VDAC3: variants seen among roughly 807,000 people sequenced by gnomAD.
VDAC3 encodes non-selective voltage-gated ion channel VDAC3.
VDAC3 carries 7 observed loss-of-function variants against 33.9 expected under a neutral mutation model. That is an observed-to-expected ratio of 0.21 (90% CI 0.12 to 0.39). VDAC3 has a LOEUF of 0.39. Ranked by LOEUF, VDAC3 falls within the 10% of genes least tolerant of loss-of-function variation. The pLI is 1.00. For synonymous variants in VDAC3, 100 were observed against 122.4 expected, an observed-to-expected ratio of 0.82 and a Z score of 1.21; for missense variants, 261 against 334.5, an observed-to-expected ratio of 0.78 and a Z score of 1.71.
chr8:42,398,395 T>G (rs1188413807), intron 4 of VDAC3, among the ~76,000 whole-genome samples: 1 of 152,048 alleles, frequency 6.6e-6, no homozygotes, highest in Non-Finnish European at 1.5e-5. Context: ...CCTGGCTAAT[T>G]TTTTGTATTT....
At chr8:42,404,809 A>G (rs1563423884) in intron 8 of VDAC3, 58 bp from the exon 9 acceptor site, 1 of 1,447,192 alleles carries the variant, frequency 6.9e-7, no homozygotes, top group Non-Finnish European at 9.7e-7. Flanking sequence ...AGTGATGGTT[A>G]TATTGGACTG....
At chr8:42,395,555 C>T (rs558852167) in intron 4 of VDAC3, among the ~76,000 whole-genome samples, 5 of 152,228 alleles carry the variant, frequency 3.3e-5, no homozygotes, top group South Asian at 2.1e-4. Context: ...TATTTCTGCA[C>T]GTATGCATGT....
At chr8:42,400,959 G>C (rs1042377933) in intron 6 of VDAC3, among the ~76,000 whole-genome samples, 2 of 152,026 alleles carry the variant, frequency 1.3e-5, no homozygotes, top group Non-Finnish European at 2.9e-5. Flanking sequence ...ACTGTGCCCG[G>C]CCAGGACAAA....
At chr8:42,402,108 G>A (rs1802425243) in intron 7 of VDAC3, 93 bp downstream of exon 7, 1 of 1,310,344 alleles carries the variant, frequency 7.6e-7, no homozygotes, top group Non-Finnish European at 1.1e-6. Flanking sequence ...CTCAGATTTA[G>A]CATGCCTTGG....
chr8:42,400,673 C>CTTTTTTTTTTTTTT (rs1188886241), intron 6 of VDAC3, among the ~76,000 whole-genome samples: 11 of 72,316 alleles, frequency 1.5e-4, no homozygotes, highest in Non-Finnish European at 2.0e-4. Context: ...ATATTCTTTT[C>CTTTTTTTTTTTTTT]TTTTTTTTTT....
chr8:42,393,898 A>G lies in VDAC3; in HGVS notation c.-3+14A>G, dbSNP rs897455370. 2 of 429,206 alleles carry G rather than the reference A, an allele frequency of 4.7e-6. No homozygotes were observed. Among genetic ancestry groups the G allele is most frequent in the Non-Finnish European group, 4.1e-6 (1 of 242,982 alleles). 26.6% of individuals were successfully genotyped at this position (429,206 alleles called of 1,614,324 possible). A position where few individuals can be genotyped will look rare whatever the true frequency, so the allele number is the denominator to read the frequency against. ...GATTTTTCTAAGGTAAATTTTGCAT[A>G]TATTTTTAAAAGAAGTCCAGTTTAA... is the stretch of plus-strand genomic sequence containing the variant. On this transcript the variant is annotated intron_variant, in intron 2 of 9. Transcript: ENST00000022615.
intron 8 of VDAC3, 72 bp downstream of exon 8, chr8:42,403,533 A>G: frequency 7.0e-7 from 1 of 1,419,204 alleles, no homozygotes; most frequent in Non-Finnish European, 9.5e-7. Context: ...TTGTGATATG[A>G]GTGTAGTTTG....
chr8:42,395,300 G>C, intron 4 of VDAC3, 167 bp downstream of exon 4: 1 of 627,422 alleles, frequency 1.6e-6, no homozygotes, highest in Non-Finnish European at 2.0e-6. Flanking sequence ...AAACAACCAA[G>C]TTGAATTTTT....
At chr8:42,395,525 CA>C (rs1802295101) in intron 4 of VDAC3, among the ~76,000 whole-genome samples, 1 of 152,140 alleles carries the variant, frequency 6.6e-6, no homozygotes, top group African/African-American at 2.4e-5. Flanking sequence ...TTAGTCGAAA[CA>C]AAATATGTAA....
At chr8:42,403,559 T>A in intron 8 of VDAC3, 98 bp downstream of exon 8, 2 of 1,256,370 alleles carry the variant, frequency 1.6e-6, no homozygotes, top group Non-Finnish European at 2.2e-6. Context: ...TCTTTATTAA[T>A]TTTAATAAGC....
chr8:42,396,962 C>G lies in VDAC3; in HGVS notation c.118-1750C>G, dbSNP rs548891389. On this transcript the variant is annotated intron_variant, in intron 4 of 9. Transcript: ENST00000022615. ...ACAAACTGAACTGTGAATCGTGAGC[C>G]TGGAACTCAACTTAGAACAATTCTA... 2.9e-5 allele frequency: 11 copies of G among 373,556 alleles called. No individual in the cohort carries two copies. In the East Asian group the frequency reaches 3.6e-4, roughly 12 times the overall value. The allele number at this position is 373,556 out of a possible 1,614,324, so 23.1% of individuals were successfully genotyped here. A position where few individuals can be genotyped will look rare whatever the true frequency, so the allele number is the denominator to read the frequency against.
intron 9 of VDAC3, 132 bp from the exon 10 acceptor site, chr8:42,405,239 G>T (rs1016858009): frequency 2.0e-5 from 14 of 707,670 alleles, no homozygotes; most frequent in Middle Eastern, 3.0e-4. Context: ...AACCGATTGA[G>T]TAATAGCTGT....
At chr8:42,402,162 C>A in intron 7 of VDAC3, 147 bp downstream of exon 7, 1 of 893,618 alleles carries the variant, frequency 1.1e-6, no homozygotes, top group Non-Finnish European at 1.7e-6. Flanking sequence ...CAAAACCTTG[C>A]CAGGAGGCTG....
intron 7 of VDAC3, chr8:42,403,017 A>G (rs918942491): frequency 2.2e-5 from 8 of 358,470 alleles, no homozygotes; most frequent in African/African-American, 1.7e-4. Context: ...CCTATAGATT[A>G]TACTTACCCG....
In VDAC3 at chr8:42,401,995, C is replaced by T; in HGVS notation, c.531C>T (p.Asp177=). 9 of 1,614,256 alleles carry T rather than the reference C, an allele frequency of 5.6e-6. No homozygotes were observed. The highest frequency in any genetic ancestry group is 7.6e-6 in the Non-Finnish European group (9 of 1,180,054). ...NNFALGYKAA[D]FQLHTHVNDG... ...TCGCCCTGGGTTACAAGGCTGCGGA[C>T]TTCCAGCTGCACACACATGTGTGAG... The change falls in exon 7 of 10, where the codon GAC becomes GAT. Residue 177 remains aspartate, a synonymous_variant. Coordinates refer to ENST00000022615, the MANE Select transcript of VDAC3 (RefSeq NM_005662.7).
At chr8:42,402,179 G>A (rs1276702241) in intron 7 of VDAC3, 164 bp downstream of exon 7, 19 of 751,336 alleles carry the variant, frequency 2.5e-5, no homozygotes, top group African/African-American at 1.0e-4. Flanking sequence ...GCTGGTGCAC[G>A]TGGTGTGCAG....
rs978947349 is a variant in VDAC3 at position 42,405,737 on chromosome 8, T to C, written c.*275T>C. 1 of 327,082 alleles carries C rather than the reference T, an allele frequency of 3.1e-6. No individual in the cohort carries two copies. Among genetic ancestry groups the C allele is most frequent in the Non-Finnish European group, 5.7e-6 (1 of 175,950 alleles). 20.3% of individuals were successfully genotyped at this position (327,082 alleles called of 1,614,324 possible). On this transcript the variant is annotated 3_prime_UTR_variant, in exon 10 of 10. Transcript: ENST00000022615. ...GTTCCTCAGCGACAGTGTAGCGTCA[T>C]GTTAGAGGAGACGATCTGACCCACC...
chr8:42,395,472 C>A (rs936522414), intron 4 of VDAC3, among the ~76,000 whole-genome samples: 1 of 152,204 alleles, frequency 6.6e-6, no homozygotes, highest in Non-Finnish European at 1.5e-5. Flanking sequence ...AATTTTATTA[C>A]CCTTTTACAA....
rs563024604 is a variant in VDAC3, at chr8:42,396,372, A to C, written c.117+1239A>C. 2.4e-4 allele frequency among the ~76,000 whole-genome samples: 37 copies of C among 152,304 alleles called. No homozygotes were observed. In the South Asian group the frequency reaches 6.8e-3, roughly 28 times the overall value. On this transcript the variant is annotated intron_variant, in intron 4 of 9. Coordinates refer to ENST00000022615, the MANE Select transcript of VDAC3 (RefSeq NM_005662.7). ...TCGTTTTTGGTATTTATCCATTCAA[A>C]CCCATGAAAATTTTATTTCTGAATG...
Sources: allele counts gnomAD v4.1 joint callset (sites outside exome capture counted in the v4.1 genomes callset), GRCh38; gene constraint gnomAD v4.1.1; transcripts MANE v1.5; gene names NCBI Gene and HGNC (gene_info 2026-07-23, HGNC 2026-07-21).